TRAM2: variants seen among roughly 807,000 people sequenced by gnomAD.
TRAM2 encodes the protein translocation associated membrane protein 2, also known as translocating chain-associated membrane protein 2.
In TRAM2, 12 loss-of-function variants were observed where a neutral mutation model predicts 51.0. The observed-to-expected ratio is 0.24, with a 90% CI of 0.15 to 0.38. The LOEUF is 0.38. Among genes scored for constraint, TRAM2 ranks in the 10% least tolerant of loss-of-function variants. TRAM2 has a pLI of 1.00. For synonymous variants in TRAM2, 175 were observed against 179.4 expected (o/e 0.98, Z 0.20); for missense variants, 361 against 462.0 (o/e 0.78, Z 2.00).
At chr6:52,557,364 T>C (rs1324369193) in intron 1 of TRAM2, among the ~76,000 whole-genome samples, 3 of 152,200 alleles carry the variant, frequency 2.0e-5, no homozygotes, top group Non-Finnish European at 4.4e-5. Context: ...ATTGAGTCCT[T>C]ACTGTATATC....
At chr6:52,515,352 T>G (rs981255690) in intron 4 of TRAM2, among the ~76,000 whole-genome samples, 1 of 152,206 alleles carries the variant, frequency 6.6e-6, no homozygotes, top group Non-Finnish European at 1.5e-5. Flanking sequence ...TATGAGGGAA[T>G]TTTGCTGTAT....
intron 1 of TRAM2, among the ~76,000 whole-genome samples, chr6:52,570,801 C>CCCCCG (rs1554267163): frequency 8.4e-6 from 1 of 119,542 alleles, no homozygotes; most frequent in Non-Finnish European, 1.8e-5. Flanking sequence ...CACCACCCCC[C>CCCCCG]CCCCCACACG....
chr6:52,535,718 A>T, intron 2 of TRAM2, 65 bp downstream of exon 2: 1 of 1,446,984 alleles, frequency 6.9e-7, no homozygotes, highest in Non-Finnish European at 9.5e-7. Flanking sequence ...GATGGGGAAA[A>T]GGAAGCTTTC....
chr6:52,506,225 G>T, intron 7 of TRAM2, 89 bp from the exon 8 acceptor site: 1 of 1,204,194 alleles, frequency 8.3e-7, no homozygotes, highest in Non-Finnish European at 1.2e-6. Flanking sequence ...TGTCCCCTGT[G>T]CCTGGCTGGG....
rs2114052090 is a variant in TRAM2 at position 52,499,760 on chromosome 6, T to C, written c.*3437A>G. 6.6e-6 allele frequency: 1 copy of C among 152,270 alleles called. No individual in the cohort carries two copies. The highest frequency in any genetic ancestry group is 2.1e-4 in the South Asian group (1 of 4,820). 9.4% of individuals were successfully genotyped at this position (152,270 alleles called of 1,614,324 possible). ...GAGGTGTCTATTGGGGTTTCTTAAA[T>C]GTTGGGAAGTTATGCCTTGGGACAT... On this transcript the variant is annotated 3_prime_UTR_variant, in exon 11 of 11. Coordinates refer to ENST00000182527, the MANE Select transcript of TRAM2 (RefSeq NM_012288.4).
At chr6:52,552,880 T>TCCCC (rs2114097985) in intron 1 of TRAM2, among the ~76,000 whole-genome samples, 1 of 152,290 alleles carries the variant, frequency 6.6e-6, no homozygotes, top group Admixed American at 6.5e-5. Context: ...AGTCAAAGAC[T>TCCCC]CCCCACCTTT....
rs1309617964 is a variant in TRAM2 at position 52,507,644 on chromosome 6, TG to T, written c.556-22del. 5.0e-6 allele frequency: 8 copies of T among 1,613,128 alleles called. No homozygotes were observed. In the South Asian group the frequency reaches 7.7e-5, roughly 16 times the overall value. On this transcript the variant is annotated intron_variant, in intron 6 of 10. Coordinates refer to ENST00000182527, the MANE Select transcript of TRAM2 (RefSeq NM_012288.4). ...TCCTCCTGGAAACAAGAGAAGCAGA[TG>T]GTAAATTTGCTAATTCCCTAACTGA... is the stretch of plus-strand genomic sequence containing the variant.
chr6:52,561,831 C>T (rs1767507160), intron 1 of TRAM2, among the ~76,000 whole-genome samples: 3 of 151,882 alleles, frequency 2.0e-5, no homozygotes, highest in Admixed American at 2.0e-4. Flanking sequence ...TGGTCTCGAA[C>T]TCCCAAGCTC....
rs1207258298 is a variant in TRAM2, at chr6:52,544,333, T to C, written c.121-8487A>G. Among the ~76,000 whole-genome samples, 109 of 124,672 alleles carry C rather than the reference T, an allele frequency of 8.7e-4. 1 individual carries two copies. Among genetic ancestry groups the C allele is most frequent in the Non-Finnish European group, 1.6e-5 (1 of 61,490 alleles). 81.8% of individuals were successfully genotyped at this position (124,672 alleles called of 152,430 possible). A position where few individuals can be genotyped will look rare whatever the true frequency, so the allele number is the denominator to read the frequency against. On this transcript the variant is annotated intron_variant, in intron 1 of 10. Transcript: ENST00000182527. Reference sequence around the variant, plus strand: ...TTTTTTAAATGTTAGATGTGTGATCTCTGTGTCCTAGTTTCCATACTACCC... The same window carrying C: ...TTTTTTAAATGTTAGATGTGTGATCCCTGTGTCCTAGTTTCCATACTACCC...
chr6:52,533,441 G>A lies in TRAM2; in HGVS notation c.184+2342C>T, dbSNP rs548994588. Among the ~76,000 whole-genome samples, 8 of 152,246 alleles carry A rather than the reference G, an allele frequency of 5.3e-5. No homozygotes were observed. In the South Asian group the frequency reaches 8.3e-4, roughly 16 times the overall value. ...CACTAGAGTGTGCCCTGGGATGAGCGGGCATCTGTCTGCTTCCTGACCACT... is the reference window on the plus strand; with the variant it reads ...CACTAGAGTGTGCCCTGGGATGAGCAGGCATCTGTCTGCTTCCTGACCACT... On this transcript the variant is annotated intron_variant, in intron 2 of 10. Transcript: ENST00000182527.
At position 52,497,578 on chromosome 6, in the gene TRAM2, AC is replaced by A. The variant is rs1581861504; in HGVS notation, c.*5618del. On this transcript the variant is annotated 3_prime_UTR_variant, in exon 11 of 11. Coordinates refer to ENST00000182527, the MANE Select transcript of TRAM2 (RefSeq NM_012288.4). Reference sequence around the variant, plus strand: ...AAGCAAAAAGACACCCCTCCCCCCAACCCTTTTTTACATGAAAGCATAAATA... The same window carrying A: ...AAGCAAAAAGACACCCCTCCCCCCAACCTTTTTTACATGAAAGCATAAATA... 1 of 152,338 alleles carries A rather than the reference AC, an allele frequency of 6.6e-6. No homozygotes were observed. Among genetic ancestry groups the A allele is most frequent in the Non-Finnish European group, 1.5e-5 (1 of 67,972 alleles). 9.4% of individuals were successfully genotyped at this position (152,338 alleles called of 1,614,324 possible).
rs1014610273 is a variant in TRAM2 at position 52,577,051 on chromosome 6, G to A, written c.-136C>T. The A allele has an allele frequency of 2.8e-6, 3 of 1,089,592 alleles. No homozygotes were observed. The highest frequency in any genetic ancestry group is 3.8e-5 in the East Asian group (1 of 26,174). 67.5% of individuals were successfully genotyped at this position (1,089,592 alleles called of 1,614,324 possible). A position where few individuals can be genotyped will look rare whatever the true frequency, so the allele number is the denominator to read the frequency against. ...CACAGCCGCTCGCCCGCCCAGCGCG[G>A]AACAACTTCGGGGCCCGCCCCCTTC... On this transcript the variant is annotated 5_prime_UTR_variant, in exon 1 of 11. Coordinates refer to ENST00000182527, the MANE Select transcript of TRAM2 (RefSeq NM_012288.4).
At chr6:52,570,122 C>T (rs1457811991) in intron 1 of TRAM2, among the ~76,000 whole-genome samples, 1 of 152,190 alleles carries the variant, frequency 6.6e-6, no homozygotes, top group East Asian at 1.9e-4. Flanking sequence ...CAAAGATGTG[C>T]CCTTGAGCTA....
intron 1 of TRAM2, among the ~76,000 whole-genome samples, chr6:52,547,387 C>G (rs1186743277): frequency 6.6e-6 from 1 of 152,188 alleles, no homozygotes; most frequent in African/African-American, 2.4e-5. Flanking sequence ...CGCCCTTTCT[C>G]AGTTCCCCAA....
In TRAM2 at chr6:52,535,861, A is replaced by T. The variant is rs781314815; in HGVS notation, c.121-15T>A. Reference sequence around the variant, plus strand: ...TTGGCTGTGACCTGTAAAACAAAGGAAAAGAGTTCCAGTTTAGCTTTTGGC... The same window carrying T: ...TTGGCTGTGACCTGTAAAACAAAGGTAAAGAGTTCCAGTTTAGCTTTTGGC... On this transcript the variant is annotated splice_polypyrimidine_tract_variant and intron_variant, in intron 1 of 10. Coordinates refer to ENST00000182527, the MANE Select transcript of TRAM2 (RefSeq NM_012288.4). 1.2e-6 allele frequency: 2 copies of T among 1,611,356 alleles called. No individual in the cohort carries two copies. The highest frequency in any genetic ancestry group is 2.2e-5 in the South Asian group (2 of 90,894).
rs149999874 is a variant in TRAM2, at chr6:52,528,326, C to T, written c.184+7457G>A. ...GGCCACAGATTAGGTAGCTTTCATC[C>T]GTAATCAAGTATGGCTTCCATCTCC... is the stretch of plus-strand genomic sequence containing the variant. On this transcript the variant is annotated intron_variant, in intron 2 of 10. Transcript: ENST00000182527. Among the ~76,000 whole-genome samples, 26 of 152,120 alleles carry T rather than the reference C, an allele frequency of 1.7e-4. No homozygotes were observed. In the East Asian group the frequency reaches 1.9e-3, roughly 11 times the overall value.
intron 2 of TRAM2, among the ~76,000 whole-genome samples, chr6:52,533,703 G>A (rs950488386): frequency 3.3e-5 from 5 of 152,194 alleles, no homozygotes; most frequent in African/African-American, 1.2e-4. Flanking sequence ...CACAGGTTCA[G>A]GAATTTGCCC....
chr6:52,566,265 C>T (rs947216852), intron 1 of TRAM2, among the ~76,000 whole-genome samples: 6 of 152,138 alleles, frequency 3.9e-5, no homozygotes, highest in African/African-American at 1.4e-4. Flanking sequence ...GCCCGCCCCA[C>T]CACTGTCCTG....
In TRAM2 at chr6:52,497,935, G is replaced by T. The variant is rs1766119940; in HGVS notation, c.*5262C>A. The T allele has an allele frequency of 6.6e-6, 1 of 152,230 alleles. No homozygotes were observed. Among genetic ancestry groups the T allele is most frequent in the Non-Finnish European group, 1.5e-5 (1 of 68,042 alleles). The allele number at this position is 152,230 out of a possible 1,614,324, so 9.4% of individuals were successfully genotyped here. A position where few individuals can be genotyped will look rare whatever the true frequency, so the allele number is the denominator to read the frequency against. On this transcript the variant is annotated 3_prime_UTR_variant, in exon 11 of 11. Transcript: ENST00000182527. ...CTCCACGTGAACAAGTAGCTCTAGAGTGCTTTTAGGCAGAGTGACGGTGAT... is the reference window on the plus strand; with the variant it reads ...CTCCACGTGAACAAGTAGCTCTAGATTGCTTTTAGGCAGAGTGACGGTGAT...
Sources: gnomAD v4.1 joint callset for allele counts (sites outside exome capture counted in the v4.1 genomes callset) on GRCh38, gnomAD v4.1.1 for gene constraint, MANE v1.5 for transcripts, NCBI Gene and HGNC (gene_info 2026-07-23, HGNC 2026-07-21) for gene names.